Variants in WDPCP observed in about 807,000 individuals in gnomAD.
The protein encoded by WDPCP is WD repeat-containing and planar cell polarity effector protein fritz homolog.
A neutral mutation model predicts 93.1 loss-of-function variants in WDPCP; 71 were observed. The observed-to-expected ratio is 0.76, with a 90% CI of 0.63 to 0.93. WDPCP has a LOEUF of 0.93. Among genes scored for constraint, WDPCP ranks in the 40% least tolerant of loss-of-function variants. WDPCP has a pLI of 0.00. For missense variants in WDPCP, 844 were observed against 887.4 expected (o/e 0.95, Z 0.62); for synonymous variants, 315 against 315.0 (o/e 1.00, Z 0.00).
chr2:63,837,893 CA>C, the WDPCP span, among the ~76,000 whole-genome samples: 2 of 152,094 alleles, frequency 1.3e-5, no homozygotes, highest in Non-Finnish European at 2.9e-5. Context: ...TACCTGAGGT[CA>C]GGAGTTTGAG....
intron 10 of WDPCP, among the ~76,000 whole-genome samples, chr2:63,388,660 A>ATC (rs1459854831): frequency 1.3e-5 from 2 of 152,210 alleles, no homozygotes; most frequent in Non-Finnish European, 2.9e-5. Context: ...GAAAAAAGTT[A>ATC]GACGAATGGC....
intron 13 of WDPCP, among the ~76,000 whole-genome samples, chr2:63,309,044 G>A (rs1312468459): frequency 2.6e-5 from 4 of 152,178 alleles, no homozygotes; most frequent in Non-Finnish European, 4.4e-5. Context: ...TCTCTTATAA[G>A]TGTGAGCTAA....
At chr2:63,153,194 G>A in intron 16 of WDPCP, 1 of 558,264 alleles carries the variant, frequency 1.8e-6, no homozygotes, top group Non-Finnish European at 3.2e-6. Context: ...TATACTAGCA[G>A]CATATCACTT....
intron 9 of WDPCP, among the ~76,000 whole-genome samples, chr2:63,428,362 C>T (rs924465026): frequency 6.6e-6 from 1 of 152,080 alleles, no homozygotes. Context: ...CCAAATCCAG[C>T]AGTACATCAA....
At chr2:63,667,088 G>A (rs887614355) in intron 2 of WDPCP, among the ~76,000 whole-genome samples, 3 of 152,174 alleles carry the variant, frequency 2.0e-5, no homozygotes, top group African/African-American at 7.2e-5. Context: ...TTTCAGGGGT[G>A]CATACATACA....
At chr2:63,711,209 G>A (rs1318871284) in intron 2 of WDPCP, among the ~76,000 whole-genome samples, 2 of 152,132 alleles carry the variant, frequency 1.3e-5, no homozygotes, top group Non-Finnish European at 2.9e-5. Context: ...ATGAGAACAT[G>A]ACAGCAGAGC....
intron 10 of WDPCP, among the ~76,000 whole-genome samples, chr2:63,401,057 G>A (rs557032994): frequency 1.4e-4 from 21 of 152,102 alleles, no homozygotes; most frequent in African/African-American, 4.3e-4. Flanking sequence ...AGAAAACCTA[G>A]GTAATACCAT....
chr2:63,353,483 C>G (rs1053888237), intron 12 of WDPCP, among the ~76,000 whole-genome samples: 1 of 152,160 alleles, frequency 6.6e-6, no homozygotes, highest in Non-Finnish European at 1.5e-5. Context: ...AGAAGGCGCT[C>G]CTGGTGGGAG....
At chr2:63,588,714 T>C (rs1018583262), upstream of WDPCP, 2 of 481,082 alleles carry the variant, frequency 4.2e-6, no homozygotes, top group Admixed American at 3.3e-5. Flanking sequence ...CCTTTCCTCC[T>C]GAGCCCAAAC....
chr2:63,358,964 A>G (rs1185485519), intron 12 of WDPCP, among the ~76,000 whole-genome samples: 1 of 152,084 alleles, frequency 6.6e-6, no homozygotes, highest in Admixed American at 6.5e-5. Context: ...TAGACTTGAC[A>G]TATTTCATTT....
rs188538170 is a variant in WDPCP at position 63,405,773 on chromosome 2, T to C, written c.826-1116A>G. On this transcript the variant is annotated intron_variant, in intron 9 of 17. Coordinates refer to ENST00000272321, the MANE Select transcript of WDPCP (RefSeq NM_015910.7). Reference sequence around the variant, plus strand: ...CCACAGGCCATTCACTTTATTCATATGTAAATGACAGGAGTCCAAGAACCA... The same window carrying C: ...CCACAGGCCATTCACTTTATTCATACGTAAATGACAGGAGTCCAAGAACCA... 1.1e-4 allele frequency among the ~76,000 whole-genome samples: 17 copies of C among 152,210 alleles called. No individual in the cohort carries two copies. In the East Asian group the frequency reaches 3.3e-3, roughly 29 times the overall value.
chr2:63,736,335 T>C (rs1043327032), intron 2 of WDPCP, among the ~76,000 whole-genome samples: 2 of 152,210 alleles, frequency 1.3e-5, no homozygotes, highest in African/African-American at 4.8e-5. Flanking sequence ...TGCAAGGTAT[T>C]GCTGTCTGGA....
chr2:63,587,963 A>G (rs1050496099), intron 1 of WDPCP, among the ~76,000 whole-genome samples: 3 of 152,220 alleles, frequency 2.0e-5, no homozygotes, highest in African/African-American at 7.2e-5. Flanking sequence ...CTCAATAAAT[A>G]TTTTTGATAT....
chr2:63,216,465 C>A (rs1470499938), intron 14 of WDPCP, among the ~76,000 whole-genome samples: 1 of 151,946 alleles, frequency 6.6e-6, no homozygotes, highest in Non-Finnish European at 1.5e-5. Flanking sequence ...GGATAGAAAA[C>A]CAAACACCGC....
At chr2:63,563,576 T>C (rs924539865) in intron 1 of WDPCP, among the ~76,000 whole-genome samples, 2 of 152,072 alleles carry the variant, frequency 1.3e-5, no homozygotes, top group African/African-American at 4.8e-5. Context: ...TGACTACTAA[T>C]GCATATAGGC....
intron 3 of WDPCP, among the ~76,000 whole-genome samples, chr2:63,646,234 G>T (rs1275495368): frequency 2.6e-5 from 4 of 151,942 alleles, no homozygotes; most frequent in Non-Finnish European, 5.9e-5. Context: ...ATTATTTTAA[G>T]CTGATAACAA....
chr2:63,815,045 A>G (rs1670911072), intron 1 of WDPCP, among the ~76,000 whole-genome samples: 1 of 152,218 alleles, frequency 6.6e-6, no homozygotes, highest in South Asian at 2.1e-4. Context: ...ATTTATAGAC[A>G]TTGCAAAAGA....
At chr2:63,726,338 G>A (rs938054919) in intron 2 of WDPCP, among the ~76,000 whole-genome samples, 12 of 151,906 alleles carry the variant, frequency 7.9e-5, no homozygotes, top group African/African-American at 2.9e-4. Context: ...TGTTGAACTT[G>A]TTGAAGATTA....
At chr2:63,797,146 C>T (rs894558547) in intron 2 of WDPCP, among the ~76,000 whole-genome samples, 17 of 152,146 alleles carry the variant, frequency 1.1e-4, no homozygotes, top group African/African-American at 4.1e-4. Flanking sequence ...TACCTGTTAA[C>T]TAAACAGATC....
Sources: gnomAD v4.1 joint callset for allele counts (sites outside exome capture counted in the v4.1 genomes callset) on GRCh38, gnomAD v4.1.1 for gene constraint, MANE v1.5 for transcripts, NCBI Gene and HGNC (gene_info 2026-07-23, HGNC 2026-07-21) for gene names.